The following MYLK variants were observed in gnomAD, a reference collection of about 807,000 sequenced individuals.
MYLK encodes the protein myosin light chain kinase, also known as myosin light chain kinase, smooth muscle.
A neutral mutation model predicts 203.4 loss-of-function variants in MYLK; 106 were observed. That is an observed-to-expected ratio of 0.52 (90% CI 0.45 to 0.61). The LOEUF (loss-of-function observed/expected upper bound fraction) is 0.61. Ranked by LOEUF, MYLK falls within the 20% of genes least tolerant of loss-of-function variation. The pLI, the probability that MYLK is intolerant of heterozygous loss-of-function variation, is 0.00. For missense variants in MYLK, 2,072 were observed against 2,442.3 expected, an observed-to-expected ratio of 0.85 and a Z score of 3.20; for synonymous variants, 867 against 959.5, an observed-to-expected ratio of 0.90 and a Z score of 1.78.
rs1196952053 is a variant in MYLK at position 123,666,319 on chromosome 3, G to C, written c.3731C>G (p.Pro1244Arg). The C allele has an allele frequency of 1.2e-6, 2 of 1,614,092 alleles. No individual in the cohort carries two copies. Among genetic ancestry groups the C allele is most frequent in the Non-Finnish European group, 8.5e-7 (1 of 1,180,054 alleles). Residue 1244 changes from proline to arginine, a missense_variant, in exon 22 of 34, where the codon CCT (proline) becomes CGT (arginine). Transcript: ENST00000360304. ...TCCTGCGCGTACCTTCTGGTCCTCAGGGAACTGGATGATCTGAGGGGGCAT... is the reference window on the plus strand; with the variant it reads ...TCCTGCGCGTACCTTCTGGTCCTCACGGAACTGGATGATCTGAGGGGGCAT... ...AAMPPQIIQF[P>R]EDQKVRAGES...
intron 3 of MYLK, among the ~76,000 whole-genome samples, chr3:123,829,558 A>T (rs964998386): frequency 6.6e-6 from 1 of 152,186 alleles, no homozygotes; most frequent in Non-Finnish European, 1.5e-5. Context: ...AGTTAACAAT[A>T]ATATATTATA....
chr3:123,766,663 C>T (rs909439631), intron 4 of MYLK, among the ~76,000 whole-genome samples: 9 of 152,234 alleles, frequency 5.9e-5, no homozygotes, highest in African/African-American at 1.4e-4. Flanking sequence ...GGTTGTGAGC[C>T]GAGGCAGATT....
At chr3:123,644,295 T>C (rs2058938419) in intron 27 of MYLK, among the ~76,000 whole-genome samples, 1 of 152,048 alleles carries the variant, frequency 6.6e-6, no homozygotes, top group African/African-American at 2.4e-5. Flanking sequence ...ATAGATGGAG[T>C]ATGAACCTGT....
intron 2 of MYLK, among the ~76,000 whole-genome samples, chr3:123,851,096 T>C (rs1034964998): frequency 2.0e-5 from 3 of 152,204 alleles, no homozygotes; most frequent in Non-Finnish European, 2.9e-5. Context: ...TTTGTTCCAT[T>C]GGTCTATATC....
rs776636237 is a variant in MYLK, at chr3:123,752,535, G to A, written c.169C>T (p.Arg57Trp). ...GATAKFEGRV[R>W]GYPEPQVTWH... The stretch of plus-strand genomic sequence containing the variant: ...GTCACCTGGGGCTCTGGGTAACCCC[G>A]GACCTTCAAGAAAAAGAAGAAAGGG... The change falls in exon 5 of 34, where the codon CGG becomes TGG. Residue 57 changes from arginine (R) to tryptophan (W), a missense_variant. Physicochemically the swap from Arg to Trp is moderately radical, Grantham distance 101. Around this residue, in one of 3 missense-constraint regions of MYLK, gnomAD observed 683 missense variants for 643.8 expected, o/e 1.06. Transcript: ENST00000360304. 26 of 1,612,208 alleles carry A rather than the reference G, an allele frequency of 1.6e-5. No individual in the cohort carries two copies. Among genetic ancestry groups the A allele is most frequent in the African/African-American group, 4.0e-5 (3 of 74,858 alleles).
intron 4 of MYLK, among the ~76,000 whole-genome samples, chr3:123,770,633 C>T (rs920711215): frequency 6.6e-6 from 1 of 152,082 alleles, no homozygotes; most frequent in African/African-American, 2.4e-5. Context: ...GCCCAGTGCC[C>T]GGCTGGCACC....
intron 3 of MYLK, among the ~76,000 whole-genome samples, chr3:123,801,569 C>T (rs1271005101): frequency 6.6e-6 from 1 of 152,146 alleles, no homozygotes; most frequent in African/African-American, 2.4e-5. Flanking sequence ...TCAGCCCTTG[C>T]TCCCCTCCCT....
At chr3:123,772,725 A>C (rs1172913405) in intron 4 of MYLK, among the ~76,000 whole-genome samples, 1 of 152,102 alleles carries the variant, frequency 6.6e-6, no homozygotes, top group East Asian at 1.9e-4. Flanking sequence ...AAAGGACATG[A>C]ACAAGAAGTT....
chr3:123,793,582 T>C (rs939828300), intron 4 of MYLK, 95 bp downstream of exon 4: 2 of 1,421,344 alleles, frequency 1.4e-6, no homozygotes, highest in Non-Finnish European at 1.9e-6. Context: ...TTGAGCCTTC[T>C]ATTAGATCCA....
At chr3:123,878,352 C>T (rs1419819866) in intron 1 of MYLK, among the ~76,000 whole-genome samples, 6 of 152,214 alleles carry the variant, frequency 3.9e-5, no homozygotes, top group African/African-American at 2.4e-5. Context: ...CCCCCAAACC[C>T]GGGGCATCTT....
In MYLK at chr3:123,610,532, C is replaced by T. The variant is rs1292328349; in HGVS notation, c.*3573G>A. ...TCTGGTCCCGAGGGTACATACATCA[C>T]TTCTGGTCACAGCTCACTGACTAGG... is the stretch of plus-strand genomic sequence containing the variant. On this transcript the variant is annotated 3_prime_UTR_variant, in exon 34 of 34. Coordinates refer to ENST00000360304, the MANE Select transcript of MYLK (RefSeq NM_053025.4). 5 of 152,202 alleles carry T rather than the reference C, an allele frequency of 3.3e-5. 1 individual carries two copies. The highest frequency in any genetic ancestry group is 2.6e-4 in the Admixed American group (4 of 15,278). 9.4% of individuals were successfully genotyped at this position (152,202 alleles called of 1,614,324 possible).
chr3:123,795,932 C>T (rs1255622098), intron 3 of MYLK, among the ~76,000 whole-genome samples: 1 of 152,140 alleles, frequency 6.6e-6, no homozygotes, highest in Non-Finnish European at 1.5e-5. Context: ...TAATCTCTAA[C>T]AAAAATAAAA....
chr3:123,726,046 A>G lies in MYLK; in HGVS notation c.1549T>C (p.Ser517Pro). 6.2e-7 allele frequency: 1 copy of G among 1,614,174 alleles called. No individual in the cohort carries two copies. The highest frequency in any genetic ancestry group is 1.1e-5 in the South Asian group (1 of 91,080). Residue 517 changes from serine to proline, a missense_variant, in exon 12 of 34, where the codon TCC becomes CCC. By Grantham distance (74) the Ser-to-Pro change is moderately conservative (BLOSUM62 -1). Transcript: ENST00000360304. ...ACAGCGCAGTCCTTCAGGACACTGG[A>G]GAAGGAGGGGGCCACCTCCATCACG... Reference protein sequence around the residue: ...LAVMEVAPSFSSVLKDCAVIE... With the variant: ...LAVMEVAPSFPSVLKDCAVIE...
chr3:123,697,768 T>C (rs2060992033), intron 18 of MYLK, among the ~76,000 whole-genome samples: 1 of 152,222 alleles, frequency 6.6e-6, no homozygotes. Context: ...TTAGAAGATG[T>C]CTTACAGTTT....
At chr3:123,861,171 CTG>C (rs2031875728) in intron 2 of MYLK, among the ~76,000 whole-genome samples, 1 of 151,714 alleles carries the variant, frequency 6.6e-6, no homozygotes, top group Non-Finnish European at 1.5e-5. Flanking sequence ...TGATTGGACA[CTG>C]TGTGATTGCA....
chr3:123,778,844 T>G (rs1054140975), intron 4 of MYLK, among the ~76,000 whole-genome samples: 1 of 152,178 alleles, frequency 6.6e-6, no homozygotes, highest in African/African-American at 2.4e-5. Context: ...TGGGTCTGGG[T>G]AGGACCCTGC....
rs569435252 is a variant in MYLK, at chr3:123,832,284, G to C, written c.-126-614C>G. ...ACTCAGCCTGGCCCAGGCTCCTGAA[G>C]TTCCCCCTTCTCCTCCCTTCAGACA... On this transcript the variant is annotated intron_variant, in intron 2 of 33. Transcript: ENST00000360304. Among the ~76,000 whole-genome samples the C allele has an allele frequency of 2.6e-5, 4 of 152,310 alleles. No homozygotes were observed. In the East Asian group the frequency reaches 7.7e-4, roughly 29 times the overall value.
chr3:123,686,354 A>C (rs1481986230), intron 19 of MYLK, among the ~76,000 whole-genome samples: 3 of 137,196 alleles, frequency 2.2e-5, no homozygotes. Context: ...CTCTGGACTC[A>C]AGCTCTCTGG....
Position 123,738,919 on chromosome 3 carries a change from T to C in MYLK, c.566A>G (p.Gln189Arg). 3 of 1,612,040 alleles carry C rather than the reference T, an allele frequency of 1.9e-6. No individual in the cohort carries two copies. Among genetic ancestry groups the C allele is most frequent in the Non-Finnish European group, 8.5e-7 (1 of 1,179,080 alleles). ...CACCTTGAGCCAGGTGACCTGCGGT[T>C]GGGGCCGGCCAGTGATCTTGCAGGA... ...RFSCKITGRP[Q>R]PQVTWLKGNV... The change falls in exon 7 of 34, where the codon CAA becomes CGA. Residue 189 changes from glutamine (Q) to arginine (R), a missense_variant. Around this residue, in one of 3 missense-constraint regions of MYLK, gnomAD observed 683 missense variants for 643.8 expected, o/e 1.06. Coordinates refer to ENST00000360304, the MANE Select transcript of MYLK (RefSeq NM_053025.4).
Sources: allele counts gnomAD v4.1 joint callset (sites outside exome capture counted in the v4.1 genomes callset), GRCh38; gene constraint gnomAD v4.1.1; regional missense constraint gnomAD v4.1.1; transcripts MANE v1.5; gene names NCBI Gene and HGNC (gene_info 2026-07-23, HGNC 2026-07-21).